The following RGS5 variants were observed in gnomAD, a reference collection of about 807,000 sequenced individuals.
RGS5 encodes regulator of G-protein signalling 5.
Under a neutral mutation model 18.9 loss-of-function variants are expected in RGS5, and 20 were observed. The observed-to-expected ratio is 1.06, with a 90% CI of 0.74 to 1.54. RGS5 has a LOEUF of 1.54. Ranked by LOEUF, RGS5 falls within the 40% of genes most tolerant of loss-of-function variation. The pLI, the probability that RGS5 is intolerant of heterozygous loss-of-function variation, is 0.00. For missense variants in RGS5, 201 were observed against 211.8 expected, an observed-to-expected ratio of 0.95 and a Z score of 0.32; for synonymous variants, 57 against 76.2, an observed-to-expected ratio of 0.75 and a Z score of 1.31.
chr1:163,164,673 T>G (rs1657966915), intron 2 of RGS5, among the ~76,000 whole-genome samples: 1 of 152,196 alleles, frequency 6.6e-6, no homozygotes, highest in South Asian at 2.1e-4. Context: ...GGTTTTGCCT[T>G]GAGTTAGCCT....
intron 2 of RGS5, among the ~76,000 whole-genome samples, chr1:163,268,211 A>G (rs986682703): frequency 1.1e-4 from 17 of 152,066 alleles, no homozygotes; most frequent in African/African-American, 4.1e-4. Flanking sequence ...CACAAACAAT[A>G]CCCTCCTTAT....
At chr1:163,166,951 T>C (rs1507755) in intron 2 of RGS5, among the ~76,000 whole-genome samples, 7,251 of 152,324 alleles carry the variant, frequency 0.048, 253 homozygotes, top group Middle Eastern at 0.075. Context: ...ATGTGGTTCT[T>C]ATTCTCCACT....
intron 1 of RGS5, among the ~76,000 whole-genome samples, chr1:163,173,879 GC>G (rs1292417501): frequency 1.3e-5 from 2 of 152,090 alleles, no homozygotes; most frequent in Non-Finnish European, 2.9e-5. Flanking sequence ...TTCAAGACCA[GC>G]CTGGCCAAGA....
intron 1 of RGS5, among the ~76,000 whole-genome samples, 159 bp from the exon 2 acceptor site, chr1:163,168,527 T>A (rs954594193): frequency 6.6e-6 from 1 of 152,244 alleles, no homozygotes; most frequent in Non-Finnish European, 1.5e-5. Context: ...AATTAGGATA[T>A]ATAAGTTCTA....
chr1:163,247,120 A>G (rs75044567), intron 2 of RGS5, among the ~76,000 whole-genome samples: 14 of 91,552 alleles, frequency 1.5e-4, no homozygotes, highest in African/African-American at 9.0e-4. Context: ...TTGAAAGCCA[A>G]CCTATTGGAT....
intron 2 of RGS5, among the ~76,000 whole-genome samples, chr1:163,224,849 T>C (rs1023369801): frequency 6.6e-6 from 1 of 152,210 alleles, no homozygotes; most frequent in African/African-American, 2.4e-5. Flanking sequence ...TTTTGAGAAA[T>C]GTATATTCAG....
intron 2 of RGS5, among the ~76,000 whole-genome samples, chr1:163,275,852 C>A (rs188820964): frequency 3.2e-4 from 49 of 152,092 alleles, no homozygotes; most frequent in African/African-American, 1.1e-3. Context: ...ATTTTCAAAC[C>A]ATGTATGTGG....
rs1647668591 is a variant in RGS5, at chr1:163,237,748, A to G, written c.-281+68485T>C. 2 of 152,414 alleles carry G rather than the reference A, an allele frequency of 1.3e-5. 1 individual carries two copies. The highest frequency in any genetic ancestry group is 4.1e-4 in the South Asian group (2 of 4,826). 9.4% of individuals were successfully genotyped at this position (152,414 alleles called of 1,614,324 possible). ...CAGTGGGGGGTTTATTCAATGGAGT[A>G]AAGCCTGGAAACGTAGATTTTGCCA... On this transcript the variant is annotated intron_variant, in intron 2 of 5. Coordinates refer to the RGS5 transcript ENST00000618415.
chr1:163,291,319 C>T (rs1384472774), intron 2 of RGS5, among the ~76,000 whole-genome samples: 1 of 152,066 alleles, frequency 6.6e-6, no homozygotes, highest in African/African-American at 2.4e-5. Flanking sequence ...CATGCCTTTA[C>T]CCTTCAAGCT....
intron 4 of RGS5, among the ~76,000 whole-genome samples, chr1:163,147,853 A>G (rs1657202869): frequency 6.6e-6 from 1 of 150,632 alleles, no homozygotes; most frequent in South Asian, 2.1e-4. Flanking sequence ...CACAGAACTG[A>G]TAAGTGTATT....
intron 2 of RGS5, among the ~76,000 whole-genome samples, chr1:163,248,089 T>C (rs2101696245): frequency 6.6e-6 from 1 of 152,306 alleles, no homozygotes; most frequent in East Asian, 1.9e-4. Flanking sequence ...CTTCTCACCC[T>C]TATTACCACC....
At chr1:163,303,414 G>T (rs934769081) in intron 2 of RGS5, among the ~76,000 whole-genome samples, 3 of 152,110 alleles carry the variant, frequency 2.0e-5, no homozygotes, top group Non-Finnish European at 4.4e-5. Context: ...CAATCTTCTA[G>T]CTTGTGGATT....
At chr1:163,283,984 T>G (rs1428721607) in intron 2 of RGS5, among the ~76,000 whole-genome samples, 1 of 152,158 alleles carries the variant, frequency 6.6e-6, no homozygotes, top group Non-Finnish European at 1.5e-5. Context: ...TCCAGACTCC[T>G]GACCAACACA....
At chr1:163,293,509 CT>C (rs1391055820) in intron 2 of RGS5, among the ~76,000 whole-genome samples, 4 of 152,166 alleles carry the variant, frequency 2.6e-5, no homozygotes, top group Admixed American at 6.5e-5. Context: ...TTCCTTGACA[CT>C]TAGGGGTTAA....
At chr1:163,154,753 A>G (rs959607852) in intron 3 of RGS5, among the ~76,000 whole-genome samples, 8 of 151,718 alleles carry the variant, frequency 5.3e-5, no homozygotes, top group Middle Eastern at 3.4e-3. Context: ...CATAAGTGCT[A>G]AAAGAAAAAT....
chr1:163,186,343 A>G (rs1659075171), intron 1 of RGS5, among the ~76,000 whole-genome samples: 1 of 152,116 alleles, frequency 6.6e-6, no homozygotes, highest in Non-Finnish European at 1.5e-5. Flanking sequence ...TGCTGGTATT[A>G]CAGGCATGAG....
At chr1:163,151,591 T>C (rs1657376824) in intron 4 of RGS5, among the ~76,000 whole-genome samples, 2 of 152,174 alleles carry the variant, frequency 1.3e-5, no homozygotes, top group Non-Finnish European at 2.9e-5. Flanking sequence ...GTTCTTGTGA[T>C]AGTGAGTTCT....
chr1:163,290,810 A>G (rs888360987), intron 2 of RGS5, among the ~76,000 whole-genome samples: 4 of 152,182 alleles, frequency 2.6e-5, no homozygotes, highest in African/African-American at 9.6e-5. Context: ...ATATTATATG[A>G]GATCAACCAG....
chr1:163,278,395 G>A (rs1209587006), intron 2 of RGS5, among the ~76,000 whole-genome samples: 4 of 152,036 alleles, frequency 2.6e-5, no homozygotes, highest in Non-Finnish European at 5.9e-5. Flanking sequence ...TTCAGAAATG[G>A]AGAAATAAAA....
Sources: gnomAD v4.1 joint callset for allele counts (sites outside exome capture counted in the v4.1 genomes callset) on GRCh38, gnomAD v4.1.1 for gene constraint, MANE v1.5 for transcripts, NCBI Gene and HGNC (gene_info 2026-07-23, HGNC 2026-07-21) for gene names.